SH2B2: variants seen among roughly 807,000 people sequenced by gnomAD.
The protein encoded by SH2B2 is SH2B adapter protein 2.
SH2B2 carries 37 observed loss-of-function variants against 35.7 expected under a neutral mutation model. The ratio of observed to expected loss-of-function variants is 1.04; its 90% CI spans 0.80 to 1.36. SH2B2 has a LOEUF of 1.36. SH2B2 is among the 40% of genes most tolerant of loss of function. SH2B2 has a pLI of 0.00. For missense variants in SH2B2, 852 were observed against 817.7 expected (o/e 1.04, Z -0.51); for synonymous variants, 383 against 376.4 (o/e 1.02, Z -0.20).
chr7:102,296,192 G>C (rs1792907305), intron 1 of SH2B2, among the ~76,000 whole-genome samples: 1 of 152,226 alleles, frequency 6.6e-6, no homozygotes. Context: ...CCCAAGGAGA[G>C]AGGGAATTCC....
upstream of SH2B2, among the ~76,000 whole-genome samples, chr7:102,285,958 T>C (rs565479165): frequency 1.2e-4 from 19 of 152,168 alleles, no homozygotes; most frequent in African/African-American, 3.9e-4. Context: ...CCTGCACCTC[T>C]TTCAGGAAGC....
intron 4 of SH2B2, chr7:102,309,355 C>CTTT (rs35826295): frequency 7.1e-3 from 1,300 of 183,344 alleles, no homozygotes; most frequent in South Asian, 0.011. Context: ...CTCTCTCTCT[C>CTTT]TTTTTTTTTT....
rs1157424232 is a variant in SH2B2 at position 102,300,600 on chromosome 7, C to T, written c.50C>T (p.Pro17Leu). 17 of 1,550,328 alleles carry T rather than the reference C, an allele frequency of 1.1e-5. 1 individual carries two copies. The highest frequency in any genetic ancestry group is 4.7e-5 in the South Asian group (4 of 84,306). ...GPAAAAPVPV[P>L]VPVPDWRQFC... ...GCCGCAGCCGCCCCGGTCCCAGTCC[C>T]GGTCCCGGTCCCGGACTGGCGGCAG... is the stretch of plus-strand genomic sequence containing the variant. Residue 17 changes from proline to leucine, a missense_variant, in exon 2 of 9, where the codon CCG becomes CTG. By Grantham distance (98) the Pro-to-Leu change is moderately conservative (BLOSUM62 -3). Coordinates refer to ENST00000444095, the MANE Select transcript of SH2B2 (RefSeq NM_001359228.2).
chr7:102,313,600 A>G (rs1404732874), intron 4 of SH2B2, among the ~76,000 whole-genome samples: 6 of 152,036 alleles, frequency 3.9e-5, no homozygotes, highest in African/African-American at 1.2e-4. Flanking sequence ...TAATTTCTTT[A>G]TGACAAGTTT....
chr7:102,300,602 G>T lies in SH2B2; in HGVS notation c.52G>T (p.Val18Phe). 6.4e-7 allele frequency: 1 copy of T among 1,550,942 alleles called. No homozygotes were observed. The highest frequency in any genetic ancestry group is 8.7e-7 in the Non-Finnish European group (1 of 1,146,498). ...PAAAAPVPVP[V>F]PVPDWRQFCE... ...CGCAGCCGCCCCGGTCCCAGTCCCG[G>T]TCCCGGTCCCGGACTGGCGGCAGTT... Residue 18 changes from valine (V) to phenylalanine (F), a missense_variant, in exon 2 of 9, where the codon GTC becomes TTC. Transcript: ENST00000444095.
chr7:102,291,092 G>T (rs1792655032), intron 1 of SH2B2, among the ~76,000 whole-genome samples: 1 of 152,230 alleles, frequency 6.6e-6, no homozygotes, highest in African/African-American at 2.4e-5. Flanking sequence ...GTCCCAGCAT[G>T]TCAAATGACC....
Position 102,308,762 on chromosome 7 carries a change from C to G in SH2B2, c.832-53C>G. 3 of 1,350,374 alleles carry G rather than the reference C, an allele frequency of 2.2e-6. No individual in the cohort carries two copies. In the Admixed American group the frequency reaches 5.0e-5, roughly 23 times the overall value. 83.6% of individuals were successfully genotyped at this position (1,350,374 alleles called of 1,614,324 possible). On this transcript the variant is annotated intron_variant, in intron 3 of 8. Transcript: ENST00000444095. ...CCACTCTGACCCTATGTCCTGTGGTCTGGAGCCCATCTGCTGACCGTGTTC... is the reference window on the plus strand; with the variant it reads ...CCACTCTGACCCTATGTCCTGTGGTGTGGAGCCCATCTGCTGACCGTGTTC...
In SH2B2 at chr7:102,288,735, G is replaced by A. The variant is rs189999651; in HGVS notation, c.-30+1641G>A. Among the ~76,000 whole-genome samples, 227 of 152,274 alleles carry A rather than the reference G, an allele frequency of 1.5e-3. 2 individuals carry two copies. Among genetic ancestry groups the A allele is most frequent in the African/African-American group, 5.2e-3 (217 of 41,554 alleles). ...CCAAGCTAAGGGCATCAGGATCGCC[G>A]TTCGTGTCATCTTTACAACAATCCT... is the stretch of plus-strand genomic sequence containing the variant. On this transcript the variant is annotated intron_variant, in intron 1 of 8. Transcript: ENST00000444095.
intron 3 of SH2B2, among the ~76,000 whole-genome samples, chr7:102,307,345 C>T (rs892383449): frequency 2.6e-5 from 4 of 152,294 alleles, no homozygotes; most frequent in South Asian, 4.1e-4. Context: ...TCTGAGGACA[C>T]GGCTCCAGGC....
intron 4 of SH2B2, among the ~76,000 whole-genome samples, chr7:102,313,253 A>G (rs774905180): frequency 0.32 from 48,685 of 150,232 alleles, 8,536 homozygotes; most frequent in Admixed American, 0.4. Flanking sequence ...CGTGGCCAAC[A>G]TGGTGAAACC....
chr7:102,317,297 G>A lies in SH2B2; in HGVS notation c.1297G>A (p.Ala433Thr), dbSNP rs782085314. ...SRVKAAQLVL[A>T]GGPRNHGLFV... ...GGTCAAGGCTGCTCAACTGGTTCTG[G>A]CAGGGGGGCCCCGGAACCACGGCCT... The change falls in exon 7 of 9, where the codon GCA becomes ACA. Residue 433 changes from alanine to threonine, a missense_variant. Physicochemically the swap from Ala to Thr is moderately conservative, Grantham distance 58. This residue lies in a region of SH2B2 where 556 missense variants were observed against 514.5 expected (regional missense o/e 1.08). Transcript: ENST00000444095. 6.2e-7 allele frequency: 1 copy of A among 1,613,612 alleles called. No individual in the cohort carries two copies. The highest frequency in any genetic ancestry group is 1.7e-5 in the Admixed American group (1 of 60,014).
intron 4 of SH2B2, among the ~76,000 whole-genome samples, chr7:102,313,282 C>CAAAA (rs1362073584): frequency 8.7e-6 from 1 of 114,820 alleles, no homozygotes. Context: ...GCAAAAAATA[C>CAAAA]AAAAAAAAAA....
intron 3 of SH2B2, 48 bp from the exon 4 acceptor site, chr7:102,308,767 G>C: frequency 2.2e-6 from 3 of 1,390,592 alleles, no homozygotes; most frequent in Non-Finnish European, 3.1e-6. Context: ...GTGGTCTGGA[G>C]CCCATCTGCT....
At chr7:102,320,027 A>G (rs1010518819) in intron 7 of SH2B2, among the ~76,000 whole-genome samples, 19 of 152,192 alleles carry the variant, frequency 1.2e-4, no homozygotes, top group African/African-American at 4.3e-4. Context: ...TATCTCTAAC[A>G]TGGGGGCAGT....
intron 4 of SH2B2, among the ~76,000 whole-genome samples, chr7:102,310,338 A>C (rs1793573504): frequency 6.6e-6 from 1 of 152,174 alleles, no homozygotes. Context: ...AATAATTTTA[A>C]AAGGTGTGCA....
At position 102,321,698 on chromosome 7, in the gene SH2B2, T is replaced by C; in HGVS notation, c.*68T>C. The stretch of plus-strand genomic sequence containing the variant: ...AAGACACGATGTTATTAAAAGCCTG[T>C]TTTAGGGACTGCACCCGGCTCTCCT... On this transcript the variant is annotated 3_prime_UTR_variant, in exon 9 of 9. Transcript: ENST00000444095. 1 of 1,052,432 alleles carries C rather than the reference T, an allele frequency of 9.5e-7. No homozygotes were observed. Among genetic ancestry groups the C allele is most frequent in the Non-Finnish European group, 1.1e-6 (1 of 872,624 alleles). 65.2% of individuals were successfully genotyped at this position (1,052,432 alleles called of 1,614,324 possible). A position where few individuals can be genotyped will look rare whatever the true frequency, so the allele number is the denominator to read the frequency against.
chr7:102,313,618 G>T (rs1252083366), intron 4 of SH2B2, among the ~76,000 whole-genome samples: 12 of 151,262 alleles, frequency 7.9e-5, no homozygotes, highest in African/African-American at 2.9e-4. Flanking sequence ...TTTTTACATA[G>T]AATATTTTTA....
Position 102,309,355 on chromosome 7 carries a change from CTTTTTTTTTTTTT to C in SH2B2, c.923+460_923+472del, listed in dbSNP as rs35826295. The C allele has an allele frequency of 1.8e-3, 326 of 184,170 alleles. No homozygotes were observed. In the Middle Eastern group the frequency reaches 0.029, roughly 16 times the overall value. The allele number at this position is 184,170 out of a possible 1,614,324, so 11.4% of individuals were successfully genotyped here. On this transcript the variant is annotated intron_variant, in intron 4 of 8. Coordinates refer to ENST00000444095, the MANE Select transcript of SH2B2 (RefSeq NM_001359228.2). ...AGCCAGACCCTCTCTCTCTCTCTCTCTTTTTTTTTTTTTTTTTTTTTTTGAGACAGGGTTTTGC... is the reference window on the plus strand; with the variant it reads ...AGCCAGACCCTCTCTCTCTCTCTCTCTTTTTTTTTTGAGACAGGGTTTTGC...
At chr7:102,314,011 C>T (rs1793722619) in intron 4 of SH2B2, among the ~76,000 whole-genome samples, 2 of 152,136 alleles carry the variant, frequency 1.3e-5, no homozygotes, top group Admixed American at 6.5e-5. Flanking sequence ...TTTTGTTTCT[C>T]TGGTGCCTCT....
Sources: gnomAD v4.1 joint callset for allele counts (sites outside exome capture counted in the v4.1 genomes callset) on GRCh38, gnomAD v4.1.1 for gene constraint, gnomAD v4.1.1 regional missense constraint, MANE v1.5 for transcripts, NCBI Gene and HGNC (gene_info 2026-07-23, HGNC 2026-07-21) for gene names.